CELF4: variants seen among roughly 807,000 people sequenced by gnomAD.
CELF4 encodes the protein CUGBP Elav-like family member 4, also known as CUG-BP- and ETR-3-like factor 4.
Under a neutral mutation model 59.9 loss-of-function variants are expected in CELF4, and 18 were observed. That is an observed-to-expected ratio of 0.30 (90% CI 0.21 to 0.45). CELF4 has a LOEUF of 0.45. Among genes scored for constraint, CELF4 ranks in the 20% least tolerant of loss-of-function variants. CELF4 has a pLI of 1.00. For synonymous variants in CELF4, 261 were observed against 267.1 expected (o/e 0.98, Z 0.22); for missense variants, 456 against 689.0 (o/e 0.66, Z 3.79).
At position 37,535,979 on chromosome 18, in the gene CELF4, C is replaced by T. The variant is rs368828423; in HGVS notation, c.286+29377G>A. On this transcript the variant is annotated intron_variant, in intron 1 of 12. Coordinates refer to ENST00000420428, the MANE Select transcript of CELF4 (RefSeq NM_020180.4). ...TGGGGAACATCCATCTCCCTCCCCA[C>T]GCCCCTGCACATATGTCCTGTTTAT... 8.5e-5 allele frequency among the ~76,000 whole-genome samples: 13 copies of T among 152,176 alleles called. 1 individual carries two copies. Among genetic ancestry groups the T allele is most frequent in the South Asian group, 4.1e-4 (2 of 4,832 alleles).
intron 1 of CELF4, among the ~76,000 whole-genome samples, chr18:37,500,812 G>A (rs937388669): frequency 3.3e-5 from 5 of 152,162 alleles, no homozygotes; most frequent in South Asian, 2.1e-4. Flanking sequence ...GGGATTACAG[G>A]TGTGAGCCAC....
chr18:37,560,108 A>G (rs576813576), intron 1 of CELF4, among the ~76,000 whole-genome samples: 5 of 152,344 alleles, frequency 3.3e-5, no homozygotes, highest in Admixed American at 2.6e-4. Context: ...CCAATCTAGA[A>G]TTCCCATTAA....
chr18:37,342,280 C>A (rs991040055), intron 2 of CELF4, among the ~76,000 whole-genome samples: 1 of 151,146 alleles, frequency 6.6e-6, no homozygotes, highest in Admixed American at 6.6e-5. Context: ...GGGCACATGG[C>A]AGCCTCTCCA....
chr18:37,356,877 G>C (rs1235960559), intron 2 of CELF4, among the ~76,000 whole-genome samples: 4 of 152,100 alleles, frequency 2.6e-5, no homozygotes, highest in Admixed American at 2.6e-4. Context: ...TTAGCCTCAG[G>C]TGTCCATGCC....
At chr18:37,527,570 G>C (rs1052291486) in intron 1 of CELF4, among the ~76,000 whole-genome samples, 1 of 152,088 alleles carries the variant, frequency 6.6e-6, no homozygotes, top group Admixed American at 6.5e-5. Flanking sequence ...TCATTGAACC[G>C]GAACATCAAA....
intron 2 of CELF4, among the ~76,000 whole-genome samples, chr18:37,349,318 G>A (rs559317359): frequency 6.6e-6 from 1 of 152,330 alleles, no homozygotes; most frequent in South Asian, 2.1e-4. Context: ...AGAGGGACAC[G>A]TTGGGGGGAG....
intron 1 of CELF4, among the ~76,000 whole-genome samples, chr18:37,509,010 C>T (rs1010966922): frequency 6.6e-6 from 1 of 152,196 alleles, no homozygotes; most frequent in Non-Finnish European, 1.5e-5. Flanking sequence ...ATGTGGTCTT[C>T]CCAGCTCAAA....
intron 2 of CELF4, among the ~76,000 whole-genome samples, chr18:37,414,503 C>CT (rs55943928): frequency 0.32 from 36,563 of 114,982 alleles, 6,980 homozygotes; most frequent in Middle Eastern, 0.43. Context: ...CTTTTCTTTT[C>CT]TTTTTTTTTT....
At position 37,322,253 on chromosome 18, in the gene CELF4, C is replaced by T. The variant is rs147273445; in HGVS notation, c.370-372G>A. On this transcript the variant is annotated intron_variant, in intron 2 of 12. Coordinates refer to ENST00000420428, the MANE Select transcript of CELF4 (RefSeq NM_020180.4). ...TCACCAAAGCACACCCTTGGCTCAGCCCTGGTTCACTCAAACATCTGCCTT... is the reference window on the plus strand; with the variant it reads ...TCACCAAAGCACACCCTTGGCTCAGTCCTGGTTCACTCAAACATCTGCCTT... Among the ~76,000 whole-genome samples the T allele has an allele frequency of 2.0e-3, 305 of 152,336 alleles. 2 individuals carry two copies. The highest frequency in any genetic ancestry group is 7.0e-3 in the African/African-American group (290 of 41,586).
intron 2 of CELF4, among the ~76,000 whole-genome samples, chr18:37,385,582 C>T (rs1355969157): frequency 1.3e-5 from 2 of 152,100 alleles, no homozygotes; most frequent in African/African-American, 2.4e-5. Flanking sequence ...CCCTCCACCT[C>T]CCCCAGCCCA....
In CELF4 at chr18:37,270,884, G is replaced by A. The variant is rs780013027; in HGVS notation, c.983C>T (p.Ala328Val). The change falls in exon 8 of 13, where the codon GCC becomes GTC. Residue 328 changes from alanine (A) to valine (V), a missense_variant. Physicochemically the swap from Ala to Val is moderately conservative, Grantham distance 64. Transcript: ENST00000420428. ...GSTPPGITAP[A>V]VPSIPSPIGV... ...AATGGGGGATGGGATGCTAGGCACG[G>A]CTGGTGCAGTGATGCCCGGAGGGGT... is the stretch of plus-strand genomic sequence containing the variant. 16 of 1,613,014 alleles carry A rather than the reference G, an allele frequency of 9.9e-6. No individual in the cohort carries two copies.
intron 2 of CELF4, among the ~76,000 whole-genome samples, chr18:37,392,241 G>A (rs1031121764): frequency 6.6e-6 from 1 of 152,220 alleles, no homozygotes; most frequent in South Asian, 2.1e-4. Context: ...CCGTCACGGA[G>A]AGAAGACCTA....
intron 2 of CELF4, among the ~76,000 whole-genome samples, chr18:37,448,628 G>A (rs1207719918): frequency 6.6e-6 from 1 of 152,248 alleles, no homozygotes; most frequent in Non-Finnish European, 1.5e-5. Flanking sequence ...CTGGGAGGCT[G>A]GCGGGAACTG....
At chr18:37,504,003 G>T (rs2099934657) in intron 1 of CELF4, among the ~76,000 whole-genome samples, 1 of 152,212 alleles carries the variant, frequency 6.6e-6, no homozygotes, top group Admixed American at 6.5e-5. Flanking sequence ...CCTGGGGCCA[G>T]GAGAGGATGG....
Position 37,264,758 on chromosome 18 carries a change from C to T in CELF4, c.1166-1G>A. On this transcript the variant is annotated splice_acceptor_variant, in intron 9 of 12. Transcript: ENST00000420428. LOFTEE classifies it high-confidence loss of function. Reference sequence around the variant, plus strand: ...CCATAGGCAGCAGGGTAGGCAGCTGCTGGAGGCCCAAGACAAGAAGCAAGA... The same window carrying T: ...CCATAGGCAGCAGGGTAGGCAGCTGTTGGAGGCCCAAGACAAGAAGCAAGA... 1 of 1,568,612 alleles carries T rather than the reference C, an allele frequency of 6.4e-7. No individual in the cohort carries two copies. Among genetic ancestry groups the T allele is most frequent in the Non-Finnish European group, 8.7e-7 (1 of 1,156,028 alleles).
chr18:37,350,750 C>T (rs2154553690), intron 2 of CELF4, among the ~76,000 whole-genome samples: 1 of 152,346 alleles, frequency 6.6e-6, no homozygotes, highest in South Asian at 2.1e-4. Context: ...TAGCAGGCTC[C>T]AAATGTCTGA....
At chr18:37,387,081 G>A (rs1391326912) in intron 2 of CELF4, among the ~76,000 whole-genome samples, 1 of 152,228 alleles carries the variant, frequency 6.6e-6, no homozygotes, top group Non-Finnish European at 1.5e-5. Flanking sequence ...GGCCTCAGTG[G>A]AGGATGTGGG....
At chr18:37,553,323 C>T (rs979842650) in intron 1 of CELF4, among the ~76,000 whole-genome samples, 2 of 152,034 alleles carry the variant, frequency 1.3e-5, no homozygotes, top group African/African-American at 2.4e-5. Context: ...GGTGAGTGTA[C>T]CAATTGATCA....
At chr18:37,468,869 C>T (rs146014383) in intron 2 of CELF4, among the ~76,000 whole-genome samples, 1 of 152,158 alleles carries the variant, frequency 6.6e-6, no homozygotes, top group Non-Finnish European at 1.5e-5. Context: ...GGGGAAACCA[C>T]ATCCATGATC....
Sources: allele counts gnomAD v4.1 joint callset (sites outside exome capture counted in the v4.1 genomes callset), GRCh38; gene constraint gnomAD v4.1.1; transcripts MANE v1.5; gene names NCBI Gene and HGNC (gene_info 2026-07-23, HGNC 2026-07-21).